Variants in CNGB3 observed in about 807,000 individuals in gnomAD.
CNGB3 encodes cyclic nucleotide-gated channel beta-3.
CNGB3 carries 86 observed loss-of-function variants against 92.8 expected under a neutral mutation model. The observed-to-expected ratio is 0.93, with a 90% confidence interval of 0.78 to 1.11. The LOEUF (loss-of-function observed/expected upper bound fraction) is 1.11, where lower values mean the gene tolerates loss of function less well. Ranked by LOEUF, CNGB3 falls within the 50% of genes least tolerant of loss-of-function variation. CNGB3 has a pLI of 0.00. For missense variants in CNGB3, 1,026 were observed against 956.8 expected, an observed-to-expected ratio of 1.07 and a Z score of -0.95; for synonymous variants, 333 against 332.7, an observed-to-expected ratio of 1.00 and a Z score of -0.01.
chr8:86,687,491 A>C (rs941221492), intron 3 of CNGB3, among the ~76,000 whole-genome samples: 7 of 152,096 alleles, frequency 4.6e-5, no homozygotes, highest in Non-Finnish European at 8.8e-5. Flanking sequence ...AGACAAGTTC[A>C]TAGAGACAAA....
rs146160319 is a variant in CNGB3, at chr8:86,732,834, A to T, written c.212-6177T>A. Among the ~76,000 whole-genome samples, 268 of 152,318 alleles carry T rather than the reference A, an allele frequency of 1.8e-3. 1 individual carries two copies. Among genetic ancestry groups the T allele is most frequent in the African/African-American group, 6.4e-3 (264 of 41,574 alleles). On this transcript the variant is annotated intron_variant, in intron 2 of 17. Coordinates refer to ENST00000320005, the MANE Select transcript of CNGB3 (RefSeq NM_019098.5). ...AAGAATACTTCTGATTGTTGGCTACATAAGACTATTTCTATTTGGATGAAG... is the reference window on the plus strand; with the variant it reads ...AAGAATACTTCTGATTGTTGGCTACTTAAGACTATTTCTATTTGGATGAAG...
intron 3 of CNGB3, among the ~76,000 whole-genome samples, chr8:86,715,280 C>T (rs1239101943): frequency 2.6e-5 from 4 of 152,128 alleles, no homozygotes; most frequent in African/African-American, 9.7e-5. Context: ...CAAAGACCTG[C>T]ACAGAGTCCA....
intron 3 of CNGB3, among the ~76,000 whole-genome samples, chr8:86,702,158 G>T (rs1824569674): frequency 6.6e-6 from 1 of 152,152 alleles, no homozygotes; most frequent in Admixed American, 6.5e-5. Flanking sequence ...GGCATTAAGA[G>T]GCAAACAGAT....
At position 86,611,639 on chromosome 8, in the gene CNGB3, C is replaced by T. The variant is rs2131565789; in HGVS notation, c.1611G>A (p.Leu537=). The T allele has an allele frequency of 1.2e-6, 2 of 1,613,184 alleles. No homozygotes were observed. The highest frequency in any genetic ancestry group is 1.7e-6 in the Non-Finnish European group (2 of 1,179,416). The change falls in exon 14 of 18, where the codon TTG becomes TTA. Residue 537 remains leucine (L), a synonymous_variant. Coordinates refer to ENST00000320005, the MANE Select transcript of CNGB3 (RefSeq NM_019098.5). ...AATAGAGAACGGATTTCAATCTTAG[C>T]AACATGTCATAAATCATCTGTGTAT... ...GCDTQMIYDM[L]LRLKSVLYLP... is the part of the protein sequence containing the mutation.
At chr8:86,634,213 C>T (rs1823019954) in intron 10 of CNGB3, among the ~76,000 whole-genome samples, 1 of 152,156 alleles carries the variant, frequency 6.6e-6, no homozygotes, top group Admixed American at 6.5e-5. Flanking sequence ...ACTTTGCATA[C>T]TCATACAACC....
intron 2 of CNGB3, among the ~76,000 whole-genome samples, chr8:86,733,436 T>C (rs1008848810): frequency 1.3e-5 from 2 of 152,212 alleles, no homozygotes; most frequent in African/African-American, 4.8e-5. Flanking sequence ...GGTAGAACAA[T>C]TTATTTTCTT....
intron 3 of CNGB3, among the ~76,000 whole-genome samples, chr8:86,699,376 T>C (rs1272462837): frequency 6.6e-6 from 1 of 152,090 alleles, no homozygotes; most frequent in African/African-American, 2.4e-5. Flanking sequence ...AGTGGCTCAT[T>C]CCTATAATCC....
In CNGB3 at chr8:86,676,515, G is replaced by A. The variant is rs375146150; in HGVS notation, c.339-5417C>T. The stretch of plus-strand genomic sequence containing the variant: ...ATGGCAGAATTCTAAGCAGAAGAGG[G>A]ACATGATTAGCTATGCTTTGGAAGA... On this transcript the variant is annotated intron_variant, in intron 3 of 17. Transcript: ENST00000320005. Among the ~76,000 whole-genome samples, 5 of 152,264 alleles carry A rather than the reference G, an allele frequency of 3.3e-5. No individual in the cohort carries two copies. In the East Asian group the frequency reaches 5.8e-4, roughly 18 times the overall value.
At chr8:86,611,481 A>G in intron 14 of CNGB3, 107 bp downstream of exon 14, 3 of 816,018 alleles carry the variant, frequency 3.7e-6, no homozygotes, top group Non-Finnish European at 6.5e-6. Context: ...TTTCTATACT[A>G]TGGAATTCAC....
At chr8:86,611,154 T>C (rs891145775) in intron 14 of CNGB3, among the ~76,000 whole-genome samples, 3 of 152,204 alleles carry the variant, frequency 2.0e-5, no homozygotes, top group Non-Finnish European at 4.4e-5. Context: ...TATTTTGTAA[T>C]CATAAAAAGC....
At chr8:86,724,294 G>GT (rs1348597621) in intron 3 of CNGB3, among the ~76,000 whole-genome samples, 3 of 152,072 alleles carry the variant, frequency 2.0e-5, no homozygotes, top group Non-Finnish European at 4.4e-5. Context: ...ACAGCCTCAT[G>GT]TTTTTTCCTC....
chr8:86,624,743 A>G (rs1822811350), intron 13 of CNGB3, among the ~76,000 whole-genome samples: 1 of 151,840 alleles, frequency 6.6e-6, no homozygotes, highest in Non-Finnish European at 1.5e-5. Context: ...TGCCAGTACC[A>G]CCCTCATCCT....
intron 14 of CNGB3, among the ~76,000 whole-genome samples, chr8:86,609,653 T>C (rs1028155784): frequency 1.3e-5 from 2 of 152,174 alleles, no homozygotes; most frequent in Non-Finnish European, 2.9e-5. Flanking sequence ...TCCTCTCTCA[T>C]TAGACTGATT....
intron 15 of CNGB3, among the ~76,000 whole-genome samples, chr8:86,591,201 A>G (rs1822026900): frequency 7.0e-6 from 1 of 143,336 alleles, no homozygotes. Context: ...CAGCTCCTTT[A>G]AGCACTTTTC....
chr8:86,702,327 ATTG>A (rs1422114781), intron 3 of CNGB3, among the ~76,000 whole-genome samples: 2 of 152,184 alleles, frequency 1.3e-5, no homozygotes, highest in Non-Finnish European at 2.9e-5. Flanking sequence ...GCTATTCTGT[ATTG>A]TTCTATCATT....
intron 15 of CNGB3, among the ~76,000 whole-genome samples, chr8:86,595,364 A>C (rs554725262): frequency 3.5e-4 from 53 of 152,328 alleles, no homozygotes; most frequent in Non-Finnish European, 6.2e-4. Flanking sequence ...TTGATTTAGC[A>C]CTGGATAAAG....
chr8:86,632,821 T>C lies in CNGB3; in HGVS notation c.1251A>G (p.Leu417=), dbSNP rs964996310. ...TIGGLPEPQT[L]FEIVFQLLNF... is the part of the protein sequence containing the mutation. The stretch of plus-strand genomic sequence containing the variant: ...TCAAGAGTTGAAAAACAATTTCAAA[T>C]AAAGTTTGTGGTTCTGGAAGGCCAC... The change falls in exon 11 of 18, where the codon TTA becomes TTG. Residue 417 remains leucine, a synonymous_variant. Coordinates refer to ENST00000320005, the MANE Select transcript of CNGB3 (RefSeq NM_019098.5). 17 of 1,612,758 alleles carry C rather than the reference T, an allele frequency of 1.1e-5. No individual in the cohort carries two copies. The highest frequency in any genetic ancestry group is 1.4e-5 in the Non-Finnish European group (16 of 1,179,794).
At chr8:86,671,180 T>C in intron 3 of CNGB3, 82 bp from the exon 4 acceptor site, 5 of 1,482,828 alleles carry the variant, frequency 3.4e-6, no homozygotes, top group Non-Finnish European at 3.7e-6. Flanking sequence ...TTCACCTTCC[T>C]TATATATTCA....
rs573678780 is a variant in CNGB3, at chr8:86,643,924, A to T, written c.1056-51T>A. ...AAGATTCATGTTGTTTCTGAAATACAGCCTATTTTAACATTTTCTTTTCCT... is the reference window on the plus strand; with the variant it reads ...AAGATTCATGTTGTTTCTGAAATACTGCCTATTTTAACATTTTCTTTTCCT... On this transcript the variant is annotated intron_variant, in intron 9 of 17. Transcript: ENST00000320005. 6.9e-6 allele frequency: 11 copies of T among 1,584,318 alleles called. No individual in the cohort carries two copies. In the East Asian group the frequency reaches 2.3e-4, roughly 33 times the overall value.
Sources: allele counts gnomAD v4.1 joint callset (sites outside exome capture counted in the v4.1 genomes callset), GRCh38; gene constraint gnomAD v4.1.1; transcripts MANE v1.5; gene names NCBI Gene and HGNC (gene_info 2026-07-23, HGNC 2026-07-21).